Variants in STARD13 observed in about 807,000 individuals in gnomAD.
The protein encoded by STARD13 is StAR related lipid transfer domain containing 13.
STARD13 carries 62 observed loss-of-function variants against 106.4 expected under a neutral mutation model. That is an observed-to-expected ratio of 0.58 (90% confidence interval 0.48 to 0.72). STARD13 has a LOEUF of 0.72. STARD13 is among the 30% of genes least tolerant of loss of function. The probability of loss-of-function intolerance (pLI) is 0.00; values close to 1 mark genes in which losing one functional copy is unlikely to be tolerated. For synonymous variants in STARD13, 565 were observed against 553.0 expected, an observed-to-expected ratio of 1.02 and a Z score of -0.31; for missense variants, 1,387 against 1,424.0, an observed-to-expected ratio of 0.97 and a Z score of 0.42.
chr13:33,304,346 G>C (rs1467070663), intron 1 of STARD13, among the ~76,000 whole-genome samples: 1 of 151,880 alleles, frequency 6.6e-6, no homozygotes, highest in Non-Finnish European at 1.5e-5. Context: ...AAAGACATAG[G>C]GTCTATTTTC....
intron 1 of STARD13, chr13:33,186,011 G>A (rs1359416829): frequency 1.2e-6 from 2 of 1,614,056 alleles, no homozygotes; most frequent in Admixed American, 3.3e-5. Context: ...GAACTGAGGA[G>A]GGTTCCAGCA....
chr13:33,190,346 G>A (rs767271114), intron 1 of STARD13, among the ~76,000 whole-genome samples: 7 of 152,100 alleles, frequency 4.6e-5, no homozygotes, highest in African/African-American at 9.7e-5. Flanking sequence ...GTTTGAGCCC[G>A]GGAGGTAGAG....
chr13:33,264,603 C>G (rs571538394), intron 1 of STARD13, among the ~76,000 whole-genome samples: 1 of 152,210 alleles, frequency 6.6e-6, no homozygotes, highest in Admixed American at 6.5e-5. Context: ...GCTTGATCAG[C>G]AGGAAAGAGA....
At chr13:33,498,181 T>A in the STARD13 span, among the ~76,000 whole-genome samples, 5 of 152,122 alleles carry the variant, frequency 3.3e-5, no homozygotes, top group African/African-American at 1.2e-4. Context: ...TACTCTTGAG[T>A]CTTAAGTCAA....
upstream of STARD13, among the ~76,000 whole-genome samples, chr13:33,352,995 T>C (rs2078093453): frequency 6.6e-6 from 1 of 152,178 alleles, no homozygotes; most frequent in Non-Finnish European, 1.5e-5. Context: ...TTCCCTCCCA[T>C]CGCAGCGGAA....
the STARD13 span, among the ~76,000 whole-genome samples, chr13:33,488,596 G>A: frequency 1.3e-5 from 2 of 151,598 alleles, no homozygotes; most frequent in African/African-American, 2.4e-5. Context: ...CTTCCTTTTG[G>A]GCATGAATAC....
chr13:33,660,983 C>G, the STARD13 span, among the ~76,000 whole-genome samples: 1 of 152,142 alleles, frequency 6.6e-6, no homozygotes, highest in Non-Finnish European at 1.5e-5. Context: ...TTCAGATAAA[C>G]AGCAAATAAA....
chr13:33,602,590 G>A, the STARD13 span, among the ~76,000 whole-genome samples: 2 of 152,304 alleles, frequency 1.3e-5, no homozygotes, highest in South Asian at 2.1e-4. Context: ...GTTCAAGATG[G>A]AGGTGAAGCT....
rs368682439 is a variant in STARD13 at position 33,118,185 on chromosome 13, C to T, written c.2161G>A (p.Val721Ile). The T allele has an allele frequency of 6.8e-6, 11 of 1,614,166 alleles. No homozygotes were observed. The highest frequency in any genetic ancestry group is 3.3e-5 in the South Asian group (3 of 91,082). ...TAAGCAGACTGGTCTTCATAGTTGA[C>T]GTTCTCAGGGAAGTTTTCATTCATT... is the stretch of plus-strand genomic sequence containing the variant. Reference protein sequence around the residue: ...RQMNENFPENVNYEDQSAYDV... With the variant: ...RQMNENFPENINYEDQSAYDV... Residue 721 changes from valine to isoleucine, a missense_variant, in exon 8 of 14, where the codon GTC (valine) becomes ATC (isoleucine). By Grantham distance (29) the Val-to-Ile change is conservative (BLOSUM62 3). Coordinates refer to ENST00000336934, the MANE Select transcript of STARD13 (RefSeq NM_178006.4).
At chr13:33,457,009 T>C in the STARD13 span, among the ~76,000 whole-genome samples, 1 of 152,248 alleles carries the variant, frequency 6.6e-6, no homozygotes, top group Non-Finnish European at 1.5e-5. Context: ...AGAGAAGACT[T>C]GCCCCCAGGG....
the STARD13 span, among the ~76,000 whole-genome samples, chr13:33,404,698 A>G: frequency 1.3e-5 from 2 of 152,072 alleles, no homozygotes; most frequent in East Asian, 1.9e-4. Context: ...CCCTCACCAG[A>G]CAGTAATGTG....
chr13:33,593,717 T>A, the STARD13 span, among the ~76,000 whole-genome samples: 5,899 of 152,024 alleles, frequency 0.039, 145 homozygotes, highest in African/African-American at 0.06. Flanking sequence ...CTGAGATCAA[T>A]CCCTCCCAAA....
intron 3 of STARD13, among the ~76,000 whole-genome samples, chr13:33,154,474 G>T (rs974075218): frequency 2.0e-5 from 3 of 152,172 alleles, no homozygotes; most frequent in Non-Finnish European, 4.4e-5. Flanking sequence ...TATCTATGTG[G>T]AACTGTGTGA....
At chr13:33,598,994 A>G in the STARD13 span, among the ~76,000 whole-genome samples, 1 of 152,192 alleles carries the variant, frequency 6.6e-6, no homozygotes, top group Non-Finnish European at 1.5e-5. Context: ...GATGTAAGAA[A>G]CTTTTGGGAG....
At chr13:33,297,238 G>T (rs1892529830) in intron 1 of STARD13, among the ~76,000 whole-genome samples, 1 of 152,210 alleles carries the variant, frequency 6.6e-6, no homozygotes, top group Non-Finnish European at 1.5e-5. Flanking sequence ...AACAGATCTG[G>T]TATAACACAG....
chr13:33,381,472 G>T, the STARD13 span, among the ~76,000 whole-genome samples: 1 of 152,168 alleles, frequency 6.6e-6, no homozygotes, highest in Non-Finnish European at 1.5e-5. Flanking sequence ...GGGCACGGTA[G>T]CTCATGCCTG....
chr13:33,183,453 CCTG>C (rs1230792087), intron 1 of STARD13, among the ~76,000 whole-genome samples: 3 of 152,216 alleles, frequency 2.0e-5, no homozygotes, highest in Non-Finnish European at 4.4e-5. Flanking sequence ...AAAAAGCTCT[CCTG>C]CTCTCTTTTT....
the STARD13 span, among the ~76,000 whole-genome samples, chr13:33,583,850 TATA>T: frequency 2.5e-5 from 1 of 39,478 alleles, no homozygotes; most frequent in South Asian, 9.7e-4. Flanking sequence ...ATGCCTGGCC[TATA>T]ATGTTTTTTT....
the STARD13 span, among the ~76,000 whole-genome samples, chr13:33,436,131 T>G: frequency 6.6e-6 from 1 of 152,212 alleles, no homozygotes; most frequent in African/African-American, 2.4e-5. Flanking sequence ...GCTATGTCCG[T>G]GAAGCGTCTT....
Sources: allele counts gnomAD v4.1 joint callset (sites outside exome capture counted in the v4.1 genomes callset), GRCh38; gene constraint gnomAD v4.1.1; transcripts MANE v1.5; gene names NCBI Gene and HGNC (gene_info 2026-07-23, HGNC 2026-07-21).